Variants in SYNE1 observed in about 807,000 individuals in gnomAD.
SYNE1 encodes nesprin-1.
A neutral mutation model predicts 1,111.0 loss-of-function variants in SYNE1; 616 were observed. The observed-to-expected ratio is 0.55, with a 90% CI of 0.52 to 0.59. The LOEUF (loss-of-function observed/expected upper bound fraction) is 0.59. Ranked by LOEUF, SYNE1 falls within the 20% of genes least tolerant of loss-of-function variation. SYNE1 has a pLI of 0.00. For missense variants in SYNE1, 10,006 were observed against 10,417.0 expected (o/e 0.96, Z 1.72); for synonymous variants, 3,855 against 3,825.8 (o/e 1.01, Z -0.28).
chr6:152,218,109 T>C, intron 121 of SYNE1, 148 bp downstream of exon 121: 1 of 913,454 alleles, frequency 1.1e-6, no homozygotes. Context: ...GCAGAATCGC[T>C]TGAACCCGGA....
chr6:152,310,313 A>G, intron 89 of SYNE1, 83 bp downstream of exon 89: 2 of 1,556,662 alleles, frequency 1.3e-6, no homozygotes, highest in Non-Finnish European at 1.8e-6. Context: ...AACAGTGTTG[A>G]GTTTAGGAGG....
At chr6:152,267,963 A>T (rs1274110775) in intron 100 of SYNE1, 93 bp downstream of exon 100, 10 of 1,114,342 alleles carry the variant, frequency 9.0e-6, no homozygotes, top group Non-Finnish European at 1.2e-5. Context: ...TTTGCAGAAG[A>T]TGTTTAAAAT....
chr6:152,166,629 G>A (rs1173047911), intron 130 of SYNE1, among the ~76,000 whole-genome samples: 1 of 152,220 alleles, frequency 6.6e-6, no homozygotes, highest in Non-Finnish European at 1.5e-5. Context: ...TATGCAATAT[G>A]TCAAGGGCAT....
chr6:152,611,211 AAG>A (rs1174295746), intron 3 of SYNE1, among the ~76,000 whole-genome samples: 1 of 152,176 alleles, frequency 6.6e-6, no homozygotes, highest in African/African-American at 2.4e-5. Flanking sequence ...AAATTGTATA[AAG>A]AGTCAAGACC....
intron 50 of SYNE1, 78 bp downstream of exon 50, chr6:152,396,697 T>C: frequency 7.7e-7 from 1 of 1,292,218 alleles, no homozygotes; most frequent in Non-Finnish European, 1.1e-6. Flanking sequence ...TATTTATTTA[T>C]TCACATGACT....
intron 4 of SYNE1, among the ~76,000 whole-genome samples, chr6:152,533,735 T>C (rs1172830518): frequency 6.6e-6 from 1 of 152,192 alleles, no homozygotes; most frequent in East Asian, 1.9e-4. Flanking sequence ...CCCATTAGGA[T>C]ATAAGCTTCA....
At chr6:152,633,360 T>A (rs1387506203) in intron 2 of SYNE1, among the ~76,000 whole-genome samples, 9 of 152,224 alleles carry the variant, frequency 5.9e-5, no homozygotes, top group Admixed American at 5.9e-4. Flanking sequence ...AATAAATATG[T>A]ATTGAGTAGC....
chr6:152,243,410 A>G (rs1285456628), intron 106 of SYNE1, among the ~76,000 whole-genome samples: 2 of 152,214 alleles, frequency 1.3e-5, no homozygotes, highest in East Asian at 3.8e-4. Context: ...AACTGGAAAG[A>G]CATTTTAGGA....
chr6:152,564,345 C>T (rs916736792), intron 3 of SYNE1, among the ~76,000 whole-genome samples: 2 of 152,170 alleles, frequency 1.3e-5, no homozygotes, highest in Non-Finnish European at 2.9e-5. Flanking sequence ...GAGACAGGGT[C>T]TCACTCTGTC....
chr6:152,313,633 T>C (rs1407604564), intron 87 of SYNE1, among the ~76,000 whole-genome samples: 7 of 152,006 alleles, frequency 4.6e-5, no homozygotes, highest in Admixed American at 2.6e-4. Context: ...CAGCTAACTT[T>C]TGTATTTTTA....
chr6:152,206,095 A>T, intron 126 of SYNE1, 73 bp downstream of exon 126: 1 of 1,382,252 alleles, frequency 7.2e-7, no homozygotes, highest in Non-Finnish European at 1.0e-6. Flanking sequence ...TTTGATTTGT[A>T]GAATAACAAT....
At chr6:152,599,542 G>A (rs1443726598) in intron 3 of SYNE1, among the ~76,000 whole-genome samples, 1 of 152,166 alleles carries the variant, frequency 6.6e-6, no homozygotes, top group African/African-American at 2.4e-5. Context: ...AGATACATCA[G>A]GGTTTTTTGC....
intron 141 of SYNE1, among the ~76,000 whole-genome samples, chr6:152,135,893 C>T (rs6934016): frequency 6.6e-6 from 1 of 152,050 alleles, no homozygotes; most frequent in Non-Finnish European, 1.5e-5. Flanking sequence ...AGTCTTTCTT[C>T]TCACTCCCTG....
intron 130 of SYNE1, chr6:152,168,369 C>T (rs534510283): frequency 3.5e-6 from 2 of 578,592 alleles, no homozygotes; most frequent in Admixed American, 6.1e-5. Flanking sequence ...GACAAGTGGT[C>T]ATGTTTCTAA....
chr6:152,595,873 C>G (rs1480497718), intron 3 of SYNE1, among the ~76,000 whole-genome samples: 1 of 151,986 alleles, frequency 6.6e-6, no homozygotes, highest in Non-Finnish European at 1.5e-5. Flanking sequence ...CTCTGAAATT[C>G]TATGCTATTA....
chr6:152,520,314 A>G, intron 6 of SYNE1, 145 bp downstream of exon 6: 8 of 848,224 alleles, frequency 9.4e-6, no homozygotes, highest in Non-Finnish European at 1.3e-5. Flanking sequence ...ATCTAAGAGT[A>G]TTTTATAATA....
At chr6:152,386,720 T>A (rs2097531290) in intron 54 of SYNE1, among the ~76,000 whole-genome samples, 1 of 152,146 alleles carries the variant, frequency 6.6e-6, no homozygotes, top group Non-Finnish European at 1.5e-5. Flanking sequence ...AGACTTGCAT[T>A]TAATATAACA....
At chr6:152,605,018 GAGAGAGAGAGA>G (rs2099609507) in intron 3 of SYNE1, among the ~76,000 whole-genome samples, 2 of 65,526 alleles carry the variant, frequency 3.1e-5, no homozygotes, top group Admixed American at 1.7e-4. Context: ...GAGAGAGAGA[GAGAGAGAGAGA>G]GAGAGAGGGA....
chr6:152,158,688 T>C (rs2061835129), intron 131 of SYNE1, among the ~76,000 whole-genome samples: 1 of 152,164 alleles, frequency 6.6e-6, no homozygotes, highest in South Asian at 2.1e-4. Context: ...TAAAGATAAA[T>C]ATAAAGACAA....
Sources: allele counts gnomAD v4.1 joint callset (sites outside exome capture counted in the v4.1 genomes callset), GRCh38; gene constraint gnomAD v4.1.1; transcripts MANE v1.5; gene names NCBI Gene and HGNC (gene_info 2026-07-23, HGNC 2026-07-21).